Variants in NTM observed in about 807,000 individuals in gnomAD.
The protein encoded by NTM is IgLON family member 2.
In NTM, 13 loss-of-function variants were observed where a neutral mutation model predicts 42.1. The observed-to-expected ratio is 0.31, with a 90% CI of 0.20 to 0.49. NTM has a LOEUF of 0.49. Among genes scored for constraint, NTM ranks in the 20% least tolerant of loss-of-function variants. The pLI, the probability that NTM is intolerant of heterozygous loss-of-function variation, is 0.99. For synonymous variants in NTM, 187 were observed against 179.2 expected (o/e 1.04, Z -0.35); for missense variants, 373 against 452.8 (o/e 0.82, Z 1.60).
chr11:132,307,922 AGG>A, intron 5 of NTM, 99 bp downstream of exon 5: 1 of 1,181,974 alleles, frequency 8.5e-7, no homozygotes. Flanking sequence ...CTACTGACTT[AGG>A]GTGGGAAGAA....
chr11:131,614,912 T>A (rs139578730), intron 1 of NTM, among the ~76,000 whole-genome samples: 1 of 152,228 alleles, frequency 6.6e-6, no homozygotes, highest in East Asian at 1.9e-4. Context: ...TCCAGCTGTT[T>A]CTCTCACATT....
chr11:132,224,355 TG>T (rs2085764540), intron 4 of NTM, among the ~76,000 whole-genome samples: 1 of 151,654 alleles, frequency 6.6e-6, no homozygotes, highest in Non-Finnish European at 1.5e-5. Flanking sequence ...GCCCAGTGGA[TG>T]GGTGTGGAAG....
intron 4 of NTM, among the ~76,000 whole-genome samples, chr11:132,286,260 A>G (rs976292541): frequency 2.6e-5 from 4 of 152,230 alleles, no homozygotes; most frequent in African/African-American, 7.2e-5. Context: ...AAGCTAAAAC[A>G]TAAACGAGTC....
intron 3 of NTM, among the ~76,000 whole-genome samples, chr11:132,204,810 C>T (rs2081711007): frequency 6.6e-6 from 1 of 152,182 alleles, no homozygotes; most frequent in Non-Finnish European, 1.5e-5. Context: ...TAACCAAGCA[C>T]ATTTGCCACA....
At chr11:131,643,560 C>T (rs1032513380) in intron 1 of NTM, among the ~76,000 whole-genome samples, 5 of 152,146 alleles carry the variant, frequency 3.3e-5, no homozygotes, top group African/African-American at 9.7e-5. Context: ...TCTCTCGTGT[C>T]GCACAGAAGC....
chr11:132,059,136 T>G (rs537795317), intron 2 of NTM, among the ~76,000 whole-genome samples: 2 of 152,236 alleles, frequency 1.3e-5, no homozygotes, highest in Non-Finnish European at 2.9e-5. Context: ...TTCTTCCTCA[T>G]AGCCTAGAAG....
At chr11:131,668,250 C>CTCCA (rs2069440930) in intron 1 of NTM, among the ~76,000 whole-genome samples, 1 of 147,682 alleles carries the variant, frequency 6.8e-6, no homozygotes, top group South Asian at 2.2e-4. Context: ...GTATATCTAC[C>CTCCA]TCTATCTATC....
intron 4 of NTM, among the ~76,000 whole-genome samples, chr11:132,227,924 C>T (rs1209695047): frequency 6.6e-6 from 1 of 152,140 alleles, no homozygotes; most frequent in Non-Finnish European, 1.5e-5. Flanking sequence ...CTGCTCATCC[C>T]CAGTCCCTCC....
intron 1 of NTM, among the ~76,000 whole-genome samples, chr11:131,382,271 G>A (rs1440987673): frequency 1.3e-5 from 2 of 152,220 alleles, no homozygotes; most frequent in East Asian, 3.9e-4. Context: ...TCCTGGAGGT[G>A]CAGGATCCCA....
At chr11:132,118,575 T>G (rs1011114403) in intron 2 of NTM, among the ~76,000 whole-genome samples, 5 of 152,212 alleles carry the variant, frequency 3.3e-5, no homozygotes, top group African/African-American at 1.2e-4. Flanking sequence ...ACTGCTGTTT[T>G]GGAGAAAGCT....
chr11:131,896,865 T>A (rs2052368837), intron 1 of NTM, among the ~76,000 whole-genome samples: 1 of 151,980 alleles, frequency 6.6e-6, no homozygotes, highest in Non-Finnish European at 1.5e-5. Context: ...ATTTTTTGTA[T>A]TTTTATTGGA....
At chr11:131,603,462 C>T (rs1027590025) in intron 1 of NTM, among the ~76,000 whole-genome samples, 6 of 152,020 alleles carry the variant, frequency 3.9e-5, no homozygotes, top group African/African-American at 7.3e-5. Context: ...GCGTGGCTTC[C>T]GTTACTGCCA....
intron 1 of NTM, 187 bp downstream of exon 1, chr11:131,371,075 G>C (rs1941104007): frequency 1.0e-6 from 1 of 985,322 alleles, no homozygotes; most frequent in Non-Finnish European, 1.2e-6. Flanking sequence ...GATTCTGGCT[G>C]CTACCGGAAT....
At chr11:132,322,781 A>G (rs1592029494) in intron 7 of NTM, among the ~76,000 whole-genome samples, 3 of 143,592 alleles carry the variant, frequency 2.1e-5, no homozygotes, top group South Asian at 2.2e-4. Flanking sequence ...AGTTGGAAGT[A>G]AAGCTCTCCT....
intron 1 of NTM, 114 bp downstream of exon 1, chr11:131,371,002 A>G: frequency 6.5e-7 from 1 of 1,535,190 alleles, no homozygotes; most frequent in Non-Finnish European, 8.7e-7. Flanking sequence ...GGTGGAGGAG[A>G]GAGCGTTTAG....
At chr11:132,144,854 T>G (rs1160093306) in intron 2 of NTM, among the ~76,000 whole-genome samples, 1 of 152,236 alleles carries the variant, frequency 6.6e-6, no homozygotes, top group African/African-American at 2.4e-5. Context: ...TGTTTCTTTT[T>G]GGGCAGTATT....
At chr11:131,515,210 C>T (rs548925688) in intron 1 of NTM, among the ~76,000 whole-genome samples, 31 of 152,296 alleles carry the variant, frequency 2.0e-4, no homozygotes, top group Middle Eastern at 3.4e-3. Context: ...CCACTGCACA[C>T]GGTGAGTGTT....
chr11:131,898,338 G>A (rs923820597), intron 1 of NTM, among the ~76,000 whole-genome samples: 23 of 152,152 alleles, frequency 1.5e-4, no homozygotes, highest in Non-Finnish European at 3.2e-4. Context: ...ACATTGAGAC[G>A]CACAGGCCTA....
intron 2 of NTM, among the ~76,000 whole-genome samples, chr11:132,109,541 C>T (rs1048891530): frequency 3.9e-5 from 6 of 152,196 alleles, no homozygotes; most frequent in African/African-American, 1.4e-4. Flanking sequence ...CATGAATCTT[C>T]TATTATATTG....
Sources: gnomAD v4.1 joint callset for allele counts (sites outside exome capture counted in the v4.1 genomes callset) on GRCh38, gnomAD v4.1.1 for gene constraint, MANE v1.5 for transcripts, NCBI Gene and HGNC (gene_info 2026-07-23, HGNC 2026-07-21) for gene names.